Variants in ANO2 observed in about 807,000 individuals in gnomAD.
ANO2 encodes the protein anoctamin 2.
In ANO2, 101 loss-of-function variants were observed where a neutral mutation model predicts 124.2. That is an observed-to-expected ratio of 0.81 (90% CI 0.69 to 0.96). The LOEUF (loss-of-function observed/expected upper bound fraction) is 0.96. ANO2 is among the 40% of genes least tolerant of loss of function. The pLI is 0.00. For missense variants in ANO2, 1,293 were observed against 1,274.5 expected (o/e 1.01, Z -0.22); for synonymous variants, 486 against 482.5 (o/e 1.01, Z -0.09).
At chr12:5,807,862 G>A (rs924398471) in intron 7 of ANO2, among the ~76,000 whole-genome samples, 2 of 152,212 alleles carry the variant, frequency 1.3e-5, no homozygotes, top group African/African-American at 4.8e-5. Context: ...CAACAGGGCA[G>A]TGGTTCTCAA....
chr12:5,618,621 T>C (rs1006326558), intron 16 of ANO2, among the ~76,000 whole-genome samples: 3 of 152,184 alleles, frequency 2.0e-5, no homozygotes, highest in Non-Finnish European at 4.4e-5. Context: ...GCAATCAGAA[T>C]GTCTGACCCA....
At chr12:5,588,069 C>A (rs1943207825) in intron 20 of ANO2, among the ~76,000 whole-genome samples, 1 of 152,112 alleles carries the variant, frequency 6.6e-6, no homozygotes, top group Non-Finnish European at 1.5e-5. Context: ...CAGCTGAGAG[C>A]TGGGCCGGGG....
chr12:5,794,606 A>G (rs1229805530), intron 10 of ANO2, among the ~76,000 whole-genome samples: 1 of 152,068 alleles, frequency 6.6e-6, no homozygotes, highest in Admixed American at 6.6e-5. Flanking sequence ...AGCAGCAATT[A>G]CTCTTCAAAT....
At chr12:5,595,704 T>C (rs1943625931) in intron 20 of ANO2, among the ~76,000 whole-genome samples, 2 of 152,304 alleles carry the variant, frequency 1.3e-5, no homozygotes, top group South Asian at 2.1e-4. Flanking sequence ...CCAAACACAA[T>C]ACTAGGACAG....
At chr12:5,704,302 A>G (rs56297625) in intron 14 of ANO2, among the ~76,000 whole-genome samples, 2,091 of 152,294 alleles carry the variant, frequency 0.014, 49 homozygotes, top group African/African-American at 0.046. Flanking sequence ...CACCCCGCCC[A>G]TGTGGCTTCT....
chr12:5,655,896 A>C (rs1304176316), intron 14 of ANO2, among the ~76,000 whole-genome samples: 1 of 152,232 alleles, frequency 6.6e-6, no homozygotes, highest in African/African-American at 2.4e-5. Flanking sequence ...TGGAAGGAGT[A>C]AGAAGAGAAC....
intron 19 of ANO2, among the ~76,000 whole-genome samples, chr12:5,611,645 C>T (rs1475740725): frequency 6.6e-6 from 1 of 152,180 alleles, no homozygotes; most frequent in Non-Finnish European, 1.5e-5. Flanking sequence ...ATTCCAACTG[C>T]TGCAGCTAAG....
chr12:5,907,848 C>T (rs553237291), intron 3 of ANO2, among the ~76,000 whole-genome samples: 1 of 152,346 alleles, frequency 6.6e-6, no homozygotes, highest in Middle Eastern at 3.4e-3. Flanking sequence ...ACCCTAAGTT[C>T]TTCTTGCTAC....
At chr12:5,906,027 T>C (rs763047129) in intron 3 of ANO2, among the ~76,000 whole-genome samples, 3 of 152,190 alleles carry the variant, frequency 2.0e-5, no homozygotes, top group Non-Finnish European at 4.4e-5. Flanking sequence ...TGGTGTTTTC[T>C]TCCCAGACTG....
rs144950760 is a variant in ANO2, at chr12:5,772,861, C to T, written c.1056-21891G>A. 5.8e-3 allele frequency among the ~76,000 whole-genome samples: 887 copies of T among 152,350 alleles called. 5 individuals carry two copies. Among genetic ancestry groups the T allele is most frequent in the African/African-American group, 0.019 (776 of 41,588 alleles). ...CATAATATGGATGTTAATAGCCACT[C>T]CCAAGGGAGTCCAGGGGATTAAACA... On this transcript the variant is annotated intron_variant, in intron 10 of 24. Coordinates refer to ENST00000682330, the MANE Select transcript of ANO2 (RefSeq NM_001364791.2).
chr12:5,818,447 TTA>T lies in ANO2; in HGVS notation c.892+9320_892+9321del, dbSNP rs57443240. Among the ~76,000 whole-genome samples, 613 of 82,642 alleles carry T rather than the reference TTA, an allele frequency of 7.4e-3. 1 individual carries two copies. The highest frequency in any genetic ancestry group is 0.016 in the Middle Eastern group (2 of 126). 54.2% of individuals were successfully genotyped at this position (82,642 alleles called of 152,430 possible). On this transcript the variant is annotated intron_variant, in intron 7 of 24. Transcript: ENST00000682330. Reference sequence around the variant, plus strand: ...TGAGTTAATACTTAATAAACTCATATTATATATATATATATATATATATATAT... The same window carrying T: ...TGAGTTAATACTTAATAAACTCATATTATATATATATATATATATATATAT...
chr12:5,693,895 C>A (rs934676407), intron 14 of ANO2, among the ~76,000 whole-genome samples: 5 of 152,162 alleles, frequency 3.3e-5, no homozygotes, highest in African/African-American at 9.7e-5. Flanking sequence ...CCGGAGCAGC[C>A]CTACCAGCCT....
In ANO2 at chr12:5,612,666, T is replaced by A; in HGVS notation, c.2077A>T (p.Ile693Phe). 1 of 1,613,848 alleles carries A rather than the reference T, an allele frequency of 6.2e-7. No individual in the cohort carries two copies. The highest frequency in any genetic ancestry group is 8.5e-7 in the Non-Finnish European group (1 of 1,179,834). Residue 693 changes from isoleucine to phenylalanine, a missense_variant, in exon 19 of 25, where the codon ATT (isoleucine) becomes TTT (phenylalanine). Ile to Phe is a conservative substitution (Grantham distance 21, BLOSUM62 0). Transcript: ENST00000682330. ...GAGTTCATTACATACGGGACTCCAA[T>A]CTCAAAGATGTTGTTCTGGATCAAC... ...KQLIQNNIFEIGVPKLKKLFR... is the reference protein window; with the variant it reads ...KQLIQNNIFEFGVPKLKKLFR...
chr12:5,601,971 C>T (rs974790867), intron 19 of ANO2, among the ~76,000 whole-genome samples: 1 of 152,152 alleles, frequency 6.6e-6, no homozygotes, highest in African/African-American at 2.4e-5. Flanking sequence ...CACCAGGTAT[C>T]CCCAAGGCAG....
intron 14 of ANO2, among the ~76,000 whole-genome samples, chr12:5,655,017 C>T (rs1409142591): frequency 3.9e-5 from 6 of 152,130 alleles, no homozygotes; most frequent in Non-Finnish European, 8.8e-5. Context: ...TGCTGCCTGG[C>T]CATACTTTTC....
intron 1 of ANO2, 58 bp from the exon 2 acceptor site, chr12:5,922,862 A>C (rs1284011710): frequency 7.1e-7 from 1 of 1,410,760 alleles, no homozygotes; most frequent in East Asian, 2.7e-5. Flanking sequence ...AATCCAAGAC[A>C]CTGAGGTACT....
At chr12:5,717,852 A>G (rs1028228568) in intron 14 of ANO2, among the ~76,000 whole-genome samples, 6 of 152,168 alleles carry the variant, frequency 3.9e-5, no homozygotes, top group Non-Finnish European at 7.4e-5. Flanking sequence ...TAAAGAAGTA[A>G]CCCAGGGAAC....
intron 13 of ANO2, among the ~76,000 whole-genome samples, chr12:5,735,799 C>A (rs2137071846): frequency 6.6e-6 from 1 of 152,038 alleles, no homozygotes; most frequent in Admixed American, 6.5e-5. Context: ...AAGGTCTAAG[C>A]AAGGAGGAGA....
chr12:5,786,256 G>C (rs1565667878), intron 10 of ANO2, among the ~76,000 whole-genome samples: 1 of 152,128 alleles, frequency 6.6e-6, no homozygotes, highest in Non-Finnish European at 1.5e-5. Context: ...GTCCTGGAAG[G>C]AATGCTCTAG....
Sources: allele counts gnomAD v4.1 joint callset (sites outside exome capture counted in the v4.1 genomes callset), GRCh38; gene constraint gnomAD v4.1.1; transcripts MANE v1.5; gene names NCBI Gene and HGNC (gene_info 2026-07-23, HGNC 2026-07-21).